CLCN4: variants seen among roughly 807,000 people sequenced by gnomAD.
CLCN4 encodes the protein Cl-/H+ antiporter 4.
In CLCN4, 1 loss-of-function variant was observed where a neutral mutation model predicts 41.7. The observed-to-expected ratio is 0.02, with a 90% CI of 0.01 to 0.11. CLCN4 has a LOEUF of 0.11. Ranked by LOEUF, CLCN4 falls within the 10% of genes least tolerant of loss-of-function variation. The pLI, the probability that CLCN4 is intolerant of heterozygous loss-of-function variation, is 1.00. For synonymous variants in CLCN4, 277 were observed against 285.8 expected, an observed-to-expected ratio of 0.97 and a Z score of 0.31; for missense variants, 287 against 661.0, an observed-to-expected ratio of 0.43 and a Z score of 6.20.
chrX:10,228,759 T>C (rs746949292), intron 12 of CLCN4, among the ~76,000 whole-genome samples: 8 of 111,782 alleles, frequency 7.2e-5, no homozygotes, highest in Non-Finnish European at 1.1e-4. Flanking sequence ...TTCACTGCAG[T>C]TCTATAAGGT....
chrX:10,222,720 G>A (rs1483171543), intron 12 of CLCN4, among the ~76,000 whole-genome samples: 1 of 111,633 alleles, frequency 9.0e-6, no homozygotes, highest in Non-Finnish European at 1.9e-5. Context: ...TGCCTGTATA[G>A]CCAAATGAGC....
chrX:10,185,231 A>G, intron 3 of CLCN4, 55 bp downstream of exon 3: 2 of 1,141,391 alleles, frequency 1.8e-6, no homozygotes, highest in Non-Finnish European at 1.2e-6. Context: ...GTTTTCATTC[A>G]AAAGTTACTG....
chrX:10,162,042 G>T (rs1236127730), intron 2 of CLCN4, among the ~76,000 whole-genome samples: 3 of 89,296 alleles, frequency 3.4e-5, no homozygotes, highest in Non-Finnish European at 6.4e-5. Context: ...TTTTGAGACA[G>T]AGTCTCGGTC....
chrX:10,200,504 G>C (rs1924213093), intron 6 of CLCN4, among the ~76,000 whole-genome samples: 1 of 112,321 alleles, frequency 8.9e-6, no homozygotes, highest in African/African-American at 3.2e-5. Context: ...AGGCACACTG[G>C]GTAGTCCCAT....
intron 9 of CLCN4, among the ~76,000 whole-genome samples, chrX:10,210,472 G>A (rs955899124): frequency 2.7e-5 from 3 of 109,815 alleles, no homozygotes; most frequent in Non-Finnish European, 3.8e-5. Context: ...TTTCTGTGTG[G>A]CATTTCTATG....
intron 11 of CLCN4, among the ~76,000 whole-genome samples, chrX:10,219,715 G>T (rs750905068): frequency 2.7e-5 from 3 of 112,462 alleles, no homozygotes; most frequent in South Asian, 3.7e-4. Context: ...CTTTGAGAAG[G>T]TAAGAAGTGT....
intron 2 of CLCN4, among the ~76,000 whole-genome samples, chrX:10,170,357 C>T (rs73482874): frequency 0.02 from 2,263 of 111,304 alleles, 41 homozygotes; most frequent in African/African-American, 0.055. Flanking sequence ...AGCTCACAGC[C>T]AAATATGGGA....
intron 9 of CLCN4, among the ~76,000 whole-genome samples, chrX:10,209,829 C>CTT (rs58207034): frequency 2.0e-5 from 2 of 97,632 alleles, no homozygotes; most frequent in African/African-American, 7.4e-5. Context: ...GTTATTATAG[C>CTT]TTTTTTTTTT....
chrX:10,188,983 G>A (rs750254247), intron 4 of CLCN4, among the ~76,000 whole-genome samples: 48 of 112,137 alleles, frequency 4.3e-4, no homozygotes, highest in Non-Finnish European at 2.6e-4. Flanking sequence ...CTCCAAGCCT[G>A]TCCTTCCTTT....
intron 12 of CLCN4, among the ~76,000 whole-genome samples, chrX:10,231,263 G>C (rs1925120177): frequency 8.9e-6 from 1 of 111,974 alleles, no homozygotes; most frequent in East Asian, 2.8e-4. Context: ...ACCTACTAAA[G>C]AAAATGTTGG....
chrX:10,229,669 T>C (rs1360998709), intron 12 of CLCN4, among the ~76,000 whole-genome samples: 1 of 110,201 alleles, frequency 9.1e-6, no homozygotes, highest in Non-Finnish European at 1.9e-5. Context: ...CTTGTGATAG[T>C]TTGCTCAGAA....
chrX:10,190,784 C>A (rs1207165355), intron 4 of CLCN4, among the ~76,000 whole-genome samples: 6 of 111,786 alleles, frequency 5.4e-5, no homozygotes, highest in Non-Finnish European at 1.1e-4. Flanking sequence ...TCTTATGTGT[C>A]CATTTTAAAA....
At chrX:10,223,954 G>A (rs1002761879) in intron 12 of CLCN4, among the ~76,000 whole-genome samples, 2 of 111,607 alleles carry the variant, frequency 1.8e-5, no homozygotes, top group Admixed American at 1.9e-4. Context: ...CTACTCAAAG[G>A]GGCTGGAAGT....
In CLCN4 at chrX:10,213,682, T is replaced by G. The variant is rs1468347771; in HGVS notation, c.1578T>G (p.Gly526=). 1 of 1,201,206 alleles carries G rather than the reference T, an allele frequency of 8.3e-7. No individual in the cohort carries two copies. Among genetic ancestry groups the G allele is most frequent in the Non-Finnish European group, 1.1e-6 (1 of 888,015 alleles). The part of the protein sequence containing the change: ...YAMVGAAACL[G]GVTRMTVSLV... Reference sequence around the variant, plus strand: ...TCTTACTCCTCCCCTCTGTTGCAGGTGGAGTTACCAGGATGACGGTGTCAT... The same window carrying G: ...TCTTACTCCTCCCCTCTGTTGCAGGGGGAGTTACCAGGATGACGGTGTCAT... Residue 526 remains glycine, a splice_region_variant and synonymous_variant, in exon 11 of 13, where the codon GGT becomes GGG. Coordinates refer to ENST00000380833, the MANE Select transcript of CLCN4 (RefSeq NM_001830.4).
At chrX:10,212,810 G>A (rs1025497605) in intron 10 of CLCN4, among the ~76,000 whole-genome samples, 157 bp downstream of exon 10, 4 of 87,331 alleles carry the variant, frequency 4.6e-5, no homozygotes, top group African/African-American at 4.7e-5. Context: ...ATGGCTTAAC[G>A]CACCAAGGCT....
intron 6 of CLCN4, among the ~76,000 whole-genome samples, chrX:10,205,731 C>T (rs1452995839): frequency 1.9e-5 from 2 of 107,925 alleles, no homozygotes; most frequent in Non-Finnish European, 3.8e-5. Context: ...CCTCAGCCTC[C>T]CAAGTAGCTA....
intron 3 of CLCN4, 84 bp downstream of exon 3, chrX:10,185,260 C>T (rs959383758): frequency 2.4e-5 from 24 of 1,006,089 alleles, no homozygotes; most frequent in Non-Finnish European, 3.0e-5. Context: ...CTTAGGTCCA[C>T]GTACGTGTCA....
At position 10,208,144 on chromosome X, in the gene CLCN4, C is replaced by T. The variant is rs965399600; in HGVS notation, c.943C>T (p.Arg315Cys). 2 of 1,209,712 alleles carry T rather than the reference C, an allele frequency of 1.7e-6. No homozygotes were observed. The highest frequency in any genetic ancestry group is 2.2e-6 in the Non-Finnish European group (2 of 895,079). The change falls in exon 9 of 13, where the codon CGT (arginine) becomes TGT (cysteine). Residue 315 changes from arginine to cysteine, a missense_variant. Transcript: ENST00000380833. ...ATCCATCAATCCCTTTGGGAATAGC[C>T]GTCTCGTTCTCTTTTATGTGGAATA... ...LRSINPFGNS[R>C]LVLFYVEYHT...
intron 12 of CLCN4, among the ~76,000 whole-genome samples, chrX:10,224,983 A>G (rs1379534328): frequency 8.9e-6 from 1 of 111,925 alleles, no homozygotes; most frequent in Non-Finnish European, 1.9e-5. Flanking sequence ...TTCTTTATCC[A>G]GTCTATCACT....
Sources: allele counts gnomAD v4.1 joint callset (sites outside exome capture counted in the v4.1 genomes callset), GRCh38; gene constraint gnomAD v4.1.1; transcripts MANE v1.5; gene names NCBI Gene and HGNC (gene_info 2026-07-23, HGNC 2026-07-21).